The following GRB10 variants were observed in gnomAD, a reference collection of about 807,000 sequenced individuals.
GRB10 encodes growth factor receptor-bound protein 10.
In GRB10, 20 loss-of-function variants were observed where a neutral mutation model predicts 80.9. The ratio of observed to expected loss-of-function variants is 0.25; its 90% CI spans 0.17 to 0.36. GRB10 has a LOEUF of 0.36. Ranked by LOEUF, GRB10 falls within the 10% of genes least tolerant of loss-of-function variation. The probability of loss-of-function intolerance (pLI) is 1.00; values close to 1 mark genes in which losing one functional copy is unlikely to be tolerated. For missense variants in GRB10, 548 were observed against 747.7 expected (o/e 0.73, Z 3.12); for synonymous variants, 291 against 291.5 (o/e 1.00, Z 0.02).
At chr7:50,649,526 C>T (rs896731676) in intron 7 of GRB10, among the ~76,000 whole-genome samples, 26 of 152,182 alleles carry the variant, frequency 1.7e-4, no homozygotes, top group Non-Finnish European at 3.4e-4. Flanking sequence ...GAATGGAGAA[C>T]GGGACTGTAC....
intron 7 of GRB10, among the ~76,000 whole-genome samples, chr7:50,640,657 C>G (rs890342952): frequency 1.3e-5 from 2 of 152,224 alleles, no homozygotes; most frequent in African/African-American, 2.4e-5. Context: ...GGAGAGCCAG[C>G]ATTCTCTCTC....
chr7:50,630,292 C>A (rs2053763380), intron 7 of GRB10, among the ~76,000 whole-genome samples: 3 of 152,246 alleles, frequency 2.0e-5, no homozygotes, highest in Admixed American at 6.5e-5. Context: ...AACCATGCTT[C>A]ATCAGTAACT....
At chr7:50,668,162 G>A (rs955691367) in intron 7 of GRB10, among the ~76,000 whole-genome samples, 2 of 152,114 alleles carry the variant, frequency 1.3e-5, no homozygotes, top group East Asian at 1.9e-4. Flanking sequence ...AGCCTGCTCC[G>A]GGGGCCTGAG....
At chr7:50,735,807 T>C (rs934758038) in intron 3 of GRB10, among the ~76,000 whole-genome samples, 2 of 152,184 alleles carry the variant, frequency 1.3e-5, no homozygotes, top group Middle Eastern at 3.2e-3. Context: ...AAGACGTTTA[T>C]ATAATATTGT....
intron 5 of GRB10, among the ~76,000 whole-genome samples, chr7:50,696,769 T>A (rs1173921011): frequency 6.6e-6 from 1 of 152,092 alleles, no homozygotes; most frequent in Non-Finnish European, 1.5e-5. Flanking sequence ...AGGAAAAAAC[T>A]AAATATAGCA....
chr7:50,710,300 A>T (rs891798414), intron 4 of GRB10, among the ~76,000 whole-genome samples: 2 of 152,048 alleles, frequency 1.3e-5, no homozygotes, highest in African/African-American at 4.8e-5. Flanking sequence ...CTCTGTGAGG[A>T]TAGAGGGACA....
rs1385696461 is a variant in GRB10 at position 50,651,118 on chromosome 7, T to C, written c.504+18604A>G. On this transcript the variant is annotated intron_variant, in intron 7 of 18. Coordinates refer to ENST00000401949, the MANE Select transcript of GRB10 (RefSeq NM_001350814.2). ...ATTCAACTATATATTTTTCTATTCC[T>C]CCTACGGTCTGATTTTTTATTAACA... Among the ~76,000 whole-genome samples the C allele has an allele frequency of 2.6e-5, 4 of 152,222 alleles. No individual in the cohort carries two copies. The East Asian group carries it at 7.7e-4, about 29-fold the overall frequency.
chr7:50,743,420 C>T (rs1005179303), intron 3 of GRB10, among the ~76,000 whole-genome samples: 4 of 152,200 alleles, frequency 2.6e-5, no homozygotes, highest in South Asian at 4.1e-4. Flanking sequence ...GGCTTTGAAA[C>T]GTAAGCGTGG....
chr7:50,759,798 C>T (rs893442643), intron 2 of GRB10, among the ~76,000 whole-genome samples: 1 of 152,164 alleles, frequency 6.6e-6, no homozygotes, highest in African/African-American at 2.4e-5. Flanking sequence ...CTGCCCAATC[C>T]CAGGAAGGCC....
At chr7:50,632,893 C>A (rs867247171) in intron 7 of GRB10, among the ~76,000 whole-genome samples, 13 of 152,126 alleles carry the variant, frequency 8.5e-5, no homozygotes, top group African/African-American at 3.1e-4. Context: ...GGTGCTTGTA[C>A]CTGCCCTGGA....
At chr7:50,650,266 C>T (rs2057843212) in intron 7 of GRB10, among the ~76,000 whole-genome samples, 1 of 152,224 alleles carries the variant, frequency 6.6e-6, no homozygotes, top group South Asian at 2.1e-4. Context: ...AGGCAGGCCA[C>T]AAGGCCCCTT....
Position 50,732,387 on chromosome 7 carries a change from G to T in GRB10, c.-46-19C>A. 4 of 1,409,118 alleles carry T rather than the reference G, an allele frequency of 2.8e-6. No homozygotes were observed. Among genetic ancestry groups the T allele is most frequent in the Non-Finnish European group, 4.0e-6 (4 of 995,870 alleles). The allele number at this position is 1,409,118 out of a possible 1,614,324, so 87.3% of individuals were successfully genotyped here. ...GCAGCACCTGGAATAAAGACAGACT[G>T]TGAGAAGCCAAGCCAGAAAAAAAAA... On this transcript the variant is annotated intron_variant, in intron 3 of 18. Transcript: ENST00000401949.
chr7:50,726,030 G>C lies in GRB10; in HGVS notation c.51+6242C>G, dbSNP rs1455855240. On this transcript the variant is annotated intron_variant, in intron 4 of 18. Transcript: ENST00000401949. ...CAACTTACCAATATCTGCAAGCCCTGGTTTCCTGGAAAAAAGAAATAGAAA... is the reference window on the plus strand; with the variant it reads ...CAACTTACCAATATCTGCAAGCCCTCGTTTCCTGGAAAAAAGAAATAGAAA... 3 of 152,294 alleles carry C rather than the reference G, an allele frequency of 2.0e-5. No individual in the cohort carries two copies. In the East Asian group the frequency reaches 5.8e-4, roughly 29 times the overall value. The allele number at this position is 152,294 out of a possible 1,614,324, so 9.4% of individuals were successfully genotyped here. A position where few individuals can be genotyped will look rare whatever the true frequency, so the allele number is the denominator to read the frequency against.
In GRB10 at chr7:50,782,413, C is replaced by T. The variant is rs1239723140; in HGVS notation, c.-327+11G>A. ...ACCGCCCAGCGCCCGCGGCGGAGCCCACCTGAGTACCTGGAGAGCGGGCGG... is the reference window on the plus strand; with the variant it reads ...ACCGCCCAGCGCCCGCGGCGGAGCCTACCTGAGTACCTGGAGAGCGGGCGG... On this transcript the variant is annotated intron_variant, in intron 1 of 18. Coordinates refer to ENST00000401949, the MANE Select transcript of GRB10 (RefSeq NM_001350814.2). The surrounding 1 kb of genome is among the most constrained non-coding windows in gnomAD (Gnocchi z 6.6). 6.7e-6 allele frequency: 1 copy of T among 148,618 alleles called. No individual in the cohort carries two copies. Among genetic ancestry groups the T allele is most frequent in the Non-Finnish European group, 1.5e-5 (1 of 66,604 alleles). The allele number at this position is 148,618 out of a possible 1,614,324, so 9.2% of individuals were successfully genotyped here.
intron 17 of GRB10, among the ~76,000 whole-genome samples, chr7:50,599,501 G>T (rs1423414545): frequency 6.6e-6 from 1 of 152,216 alleles, no homozygotes; most frequent in Non-Finnish European, 1.5e-5. Context: ...AGCTGTTCCT[G>T]TGTTAACGCC....
chr7:50,601,194 T>C (rs950838603), intron 17 of GRB10, among the ~76,000 whole-genome samples: 2 of 152,244 alleles, frequency 1.3e-5, no homozygotes, highest in African/African-American at 4.8e-5. Flanking sequence ...CTCGTATTTG[T>C]ACAATGAAAT....
intron 3 of GRB10, among the ~76,000 whole-genome samples, chr7:50,754,739 A>C (rs1457755900): frequency 6.6e-6 from 1 of 152,212 alleles, no homozygotes; most frequent in Non-Finnish European, 1.5e-5. Flanking sequence ...GGCAGTACCC[A>C]GGTCCCCCAG....
intron 4 of GRB10, among the ~76,000 whole-genome samples, chr7:50,728,320 T>G (rs1350180506): frequency 6.6e-6 from 1 of 152,144 alleles, no homozygotes; most frequent in Non-Finnish European, 1.5e-5. Context: ...TGGAATTCAT[T>G]TCCAGGAACT....
intron 8 of GRB10, among the ~76,000 whole-genome samples, chr7:50,621,329 C>T (rs1206385874): frequency 6.6e-6 from 1 of 152,236 alleles, no homozygotes; most frequent in African/African-American, 2.4e-5. Context: ...TCGGGATAAC[C>T]GGTGGGCTGT....
Sources: gnomAD v4.1 joint callset for allele counts (sites outside exome capture counted in the v4.1 genomes callset) on GRCh38, gnomAD v4.1.1 for gene constraint, Gnocchi (gnomAD v3.1) non-coding constraint, MANE v1.5 for transcripts, NCBI Gene and HGNC (gene_info 2026-07-23, HGNC 2026-07-21) for gene names.